PTPRA: variants seen among roughly 807,000 people sequenced by gnomAD.
PTPRA encodes the protein receptor-type tyrosine-protein phosphatase alpha.
A neutral mutation model predicts 104.8 loss-of-function variants in PTPRA; 25 were observed. That is an observed-to-expected ratio of 0.24 (90% CI 0.17 to 0.33). PTPRA has a LOEUF of 0.33. PTPRA is among the 10% of genes least tolerant of loss of function. The probability of loss-of-function intolerance (pLI) is 1.00; values close to 1 mark genes in which losing one functional copy is unlikely to be tolerated. For synonymous variants in PTPRA, 323 were observed against 368.9 expected (o/e 0.88, Z 1.43); for missense variants, 765 against 1,015.3 (o/e 0.75, Z 3.35).
In PTPRA at chr20:3,003,881, T is replaced by C. The variant is rs2063742948; in HGVS notation, c.739-1175T>C. ...TCCTTAATTTTGAATATATGAAACA[T>C]ACAAGAGGAGAACAGATCAAATAAT... On this transcript the variant is annotated intron_variant, in intron 9 of 23. Transcript: ENST00000399903. Among the ~76,000 whole-genome samples, 7 of 151,962 alleles carry C rather than the reference T, an allele frequency of 4.6e-5. No homozygotes were observed. The South Asian group carries it at 1.5e-3, about 32-fold the overall frequency.
intron 6 of PTPRA, among the ~76,000 whole-genome samples, chr20:2,976,379 A>G (rs1223659335): frequency 6.6e-6 from 1 of 152,216 alleles, no homozygotes; most frequent in Non-Finnish European, 1.5e-5. Flanking sequence ...GAAACATAAG[A>G]TCTGTTGACT....
intron 2 of PTPRA, among the ~76,000 whole-genome samples, chr20:2,930,918 T>G (rs1259996931): frequency 6.6e-6 from 1 of 152,196 alleles, no homozygotes; most frequent in Non-Finnish European, 1.5e-5. Flanking sequence ...AATCCAGATA[T>G]TTTCAAATCT....
rs538546543 is a variant in PTPRA, at chr20:3,034,608, G to A, written c.1921-977G>A. On this transcript the variant is annotated intron_variant, in intron 20 of 23. Coordinates refer to ENST00000399903, the MANE Select transcript of PTPRA (RefSeq NM_001385305.1). ...AGAGAGGCCCAGGGCACCGATCCCT[G>A]AGGCATCCCCAGGGCTTCTAGAGAA... Among the ~76,000 whole-genome samples, 5 of 150,928 alleles carry A rather than the reference G, an allele frequency of 3.3e-5. No individual in the cohort carries two copies. The East Asian group carries it at 7.8e-4, about 24-fold the overall frequency.
intron 1 of PTPRA, among the ~76,000 whole-genome samples, chr20:2,909,654 A>G (rs947427853): frequency 6.7e-6 from 1 of 150,370 alleles, no homozygotes; most frequent in Non-Finnish European, 1.5e-5. Context: ...TAGTAAATGA[A>G]TGAGTGCAGC....
At chr20:2,942,219 AAT>A (rs1424310573) in intron 2 of PTPRA, among the ~76,000 whole-genome samples, 2 of 152,168 alleles carry the variant, frequency 1.3e-5, no homozygotes, top group East Asian at 1.9e-4. Context: ...TATGTTTTCC[AAT>A]AATGGACCAT....
At chr20:2,940,156 G>A (rs1411389090) in intron 2 of PTPRA, among the ~76,000 whole-genome samples, 1 of 152,038 alleles carries the variant, frequency 6.6e-6, no homozygotes, top group African/African-American at 2.4e-5. Context: ...GAATAGGGTG[G>A]AATATGCTTA....
At chr20:2,993,083 CTATG>C (rs1000988183) in intron 9 of PTPRA, among the ~76,000 whole-genome samples, 6 of 150,760 alleles carry the variant, frequency 4.0e-5, no homozygotes, top group Admixed American at 2.0e-4. Flanking sequence ...GATCTTGTCT[CTATG>C]TAGGTAGGTA....
chr20:2,907,740 T>G (rs1409414172), intron 1 of PTPRA, among the ~76,000 whole-genome samples: 1 of 152,148 alleles, frequency 6.6e-6, no homozygotes, highest in East Asian at 1.9e-4. Context: ...TGAATAAACA[T>G]CTGAACAGTG....
At chr20:2,871,496 G>T (rs1157984275), upstream of PTPRA, among the ~76,000 whole-genome samples, 1 of 151,968 alleles carries the variant, frequency 6.6e-6, no homozygotes, top group East Asian at 1.9e-4. Flanking sequence ...CCCTTCTAGG[G>T]TAATACAAAT....
intron 1 of PTPRA, among the ~76,000 whole-genome samples, chr20:2,913,429 G>C (rs1053871226): frequency 1.3e-5 from 2 of 152,064 alleles, no homozygotes; most frequent in African/African-American, 4.8e-5. Flanking sequence ...AGTACTACCA[G>C]CTTATCTTCA....
Position 3,015,863 on chromosome 20 carries a change from G to T in PTPRA, c.921G>T (p.Lys307Asn). The T allele has an allele frequency of 3.2e-6, 5 of 1,563,512 alleles. No individual in the cohort carries two copies. In the East Asian group the frequency reaches 1.1e-4, roughly 35 times the overall value. Residue 307 changes from lysine (K) to asparagine (N), a missense_variant, in exon 12 of 24, where the codon AAG (lysine) becomes AAT (asparagine). Transcript: ENST00000399903. ...NASFINGYQEKNKFIAAQGPK... is the reference protein window; with the variant it reads ...NASFINGYQENNKFIAAQGPK... The stretch of plus-strand genomic sequence containing the variant: ...CCACACCCCAGGGCTACCAAGAAAA[G>T]AACAAATTCATTGCTGCACAAGGTA...
intron 11 of PTPRA, among the ~76,000 whole-genome samples, chr20:3,011,687 G>T (rs891313698): frequency 6.6e-6 from 1 of 152,204 alleles, no homozygotes; most frequent in East Asian, 1.9e-4. Context: ...GGTAGTGGAT[G>T]TCAAGTGTGT....
intron 2 of PTPRA, among the ~76,000 whole-genome samples, chr20:2,927,493 C>T (rs1412607585): frequency 6.6e-6 from 1 of 152,176 alleles, no homozygotes; most frequent in African/African-American, 2.4e-5. Flanking sequence ...ACCAAGATCT[C>T]AATCATACAC....
intron 1 of PTPRA, among the ~76,000 whole-genome samples, chr20:2,909,965 T>TATATATATAATCTATCATATC: frequency 1.8e-5 from 2 of 112,848 alleles, no homozygotes; most frequent in Non-Finnish European, 3.3e-5. Flanking sequence ...TAATATATGA[T>TATATATATAATCTATCATATC]ATATATATAA....
In PTPRA at chr20:2,873,511, C is replaced by T. The variant is rs994045507; in HGVS notation, c.-378C>T. ...GGGAGCGAGGCTGCGGCGAGTGCGGCGCTGACAGAGACGCGCGCGCGCGCG... is the reference window on the plus strand; with the variant it reads ...GGGAGCGAGGCTGCGGCGAGTGCGGTGCTGACAGAGACGCGCGCGCGCGCG... On this transcript the variant is annotated 5_prime_UTR_variant, in exon 1 of 24. Coordinates refer to ENST00000399903, the MANE Select transcript of PTPRA (RefSeq NM_001385305.1). This position sits in a 1 kb window ranked among gnomAD's most constrained non-coding sequence, Gnocchi z 4.4. The T allele has an allele frequency of 2.0e-4, 30 of 151,970 alleles. No homozygotes were observed. Among genetic ancestry groups the T allele is most frequent in the Non-Finnish European group, 3.5e-4 (24 of 67,934 alleles). The allele number at this position is 151,970 out of a possible 1,614,324, so 9.4% of individuals were successfully genotyped here. A position where few individuals can be genotyped will look rare whatever the true frequency, so the allele number is the denominator to read the frequency against.
chr20:2,963,593 C>CA (rs941140868), intron 3 of PTPRA, among the ~76,000 whole-genome samples: 30 of 148,488 alleles, frequency 2.0e-4, no homozygotes, highest in South Asian at 1.5e-3. Context: ...GACTCCGTCT[C>CA]AAAAAAAAAT....
intron 1 of PTPRA, among the ~76,000 whole-genome samples, chr20:2,897,995 C>T (rs1403561732): frequency 1.3e-5 from 2 of 150,812 alleles, no homozygotes; most frequent in Non-Finnish European, 2.9e-5. Context: ...TCACTGCAAC[C>T]TCCACCTCCC....
At chr20:2,974,352 G>T (rs2062331598) in intron 5 of PTPRA, among the ~76,000 whole-genome samples, 1 of 152,088 alleles carries the variant, frequency 6.6e-6, no homozygotes, top group East Asian at 1.9e-4. Context: ...CCAGGTTTAA[G>T]CAATTCTTGT....
chr20:3,002,322 AT>A (rs5839983), intron 9 of PTPRA, among the ~76,000 whole-genome samples: 32,092 of 116,568 alleles, frequency 0.28, 3,484 homozygotes, highest in Middle Eastern at 0.39. Flanking sequence ...AAATGTAGTA[AT>A]TTTTTTTTTT....
Sources: allele counts gnomAD v4.1 joint callset (sites outside exome capture counted in the v4.1 genomes callset), GRCh38; gene constraint gnomAD v4.1.1; non-coding constraint Gnocchi (gnomAD v3.1); transcripts MANE v1.5; gene names NCBI Gene and HGNC (gene_info 2026-07-23, HGNC 2026-07-21).